Variants in MAL2 observed in about 807,000 individuals in gnomAD.
MAL2 encodes mal, T cell differentiation protein 2.
MAL2 carries 17 observed loss-of-function variants against 18.1 expected under a neutral mutation model. The ratio of observed to expected loss-of-function variants is 0.94; its 90% CI spans 0.64 to 1.41. The LOEUF is 1.41. Among genes scored for constraint, MAL2 ranks in the 40% most tolerant of loss-of-function variants. The probability of loss-of-function intolerance (pLI) is 0.00; values close to 1 mark genes in which losing one functional copy is unlikely to be tolerated. For missense variants in MAL2, 222 were observed against 231.9 expected (o/e 0.96, Z 0.28); for synonymous variants, 102 against 102.3 (o/e 1.00, Z 0.02).
At chr8:119,215,276 T>C (rs984157587) in intron 1 of MAL2, 1 of 152,208 alleles carries the variant, frequency 6.6e-6, no homozygotes, top group African/African-American at 2.4e-5. Flanking sequence ...TGCCTATTTT[T>C]GGACATCCAC....
chr8:119,226,307 A>G lies in MAL2; in HGVS notation c.303+4550A>G, dbSNP rs571302180. On this transcript the variant is annotated intron_variant, in intron 2 of 3. Transcript: ENST00000614891. ...TAAGTCTTCAATCCATCTTGAATTA[A>G]TTTTTGTATAAGGTGTAAGGAAGGG... Among the ~76,000 whole-genome samples the G allele has an allele frequency of 2.8e-4, 42 of 151,956 alleles. No individual in the cohort carries two copies. The South Asian group carries it at 3.5e-3, about 13-fold the overall frequency.
chr8:119,240,230 C>G lies in MAL2; in HGVS notation c.369C>G (p.Ala123=). 1 of 1,613,686 alleles carries G rather than the reference C, an allele frequency of 6.2e-7. No individual in the cohort carries two copies. Among genetic ancestry groups the G allele is most frequent in the Non-Finnish European group, 8.5e-7 (1 of 1,179,812 alleles). The change falls in exon 3 of 4, where the codon GCC becomes GCG. Residue 123 remains alanine (A), a synonymous_variant. Transcript: ENST00000614891. ...YFGAFLLEAA[A]TSLHDLHCNT... ...GAGCCTTTTTATTGGAAGCAGCAGC[C>G]ACATCCCTGCATGATTTGCATTGCA...
chr8:119,243,580 A>G lies in MAL2; in HGVS notation c.*92A>G, dbSNP rs1338573556. 29 of 1,149,986 alleles carry G rather than the reference A, an allele frequency of 2.5e-5. No individual in the cohort carries two copies. The highest frequency in any genetic ancestry group is 3.2e-5 in the Non-Finnish European group (27 of 832,916). The allele number at this position is 1,149,986 out of a possible 1,614,324, so 71.2% of individuals were successfully genotyped here. A position where few individuals can be genotyped will look rare whatever the true frequency, so the allele number is the denominator to read the frequency against. ...GATACCATTTTGTCCAGATGCAAAA[A>G]CATTCCAAAAGTAATGTGTTTAGTA... is the stretch of plus-strand genomic sequence containing the variant. On this transcript the variant is annotated 3_prime_UTR_variant, in exon 4 of 4. Transcript: ENST00000614891.
chr8:119,229,136 A>G (rs770415168), intron 2 of MAL2, among the ~76,000 whole-genome samples: 47 of 152,164 alleles, frequency 3.1e-4, no homozygotes, highest in Non-Finnish European at 6.5e-4. Flanking sequence ...GTAGCATTCT[A>G]AAGTGATGCT....
At chr8:119,230,872 T>G (rs139900795) in intron 2 of MAL2, among the ~76,000 whole-genome samples, 1 of 152,224 alleles carries the variant, frequency 6.6e-6, no homozygotes, top group Non-Finnish European at 1.5e-5. Flanking sequence ...TACAAACGTG[T>G]GGCCAGTATG....
chr8:119,213,208 G>A (rs1817292824), intron 1 of MAL2, among the ~76,000 whole-genome samples: 1 of 152,186 alleles, frequency 6.6e-6, no homozygotes. Context: ...GAGGAATTAT[G>A]CCAGAAAAAC....
intron 1 of MAL2, among the ~76,000 whole-genome samples, chr8:119,213,126 CAATT>C (rs1817291643): frequency 6.6e-6 from 1 of 152,054 alleles, no homozygotes; most frequent in African/African-American, 2.4e-5. Flanking sequence ...TTTGGGAAGT[CAATT>C]AAGTATGTAA....
At chr8:119,222,680 TATCTGGAC>T (rs1251532936) in intron 2 of MAL2, among the ~76,000 whole-genome samples, 18 of 151,520 alleles carry the variant, frequency 1.2e-4, no homozygotes, top group African/African-American at 4.4e-4. Context: ...CTACAAAAAA[TATCTGGAC>T]ATGGTGTTGC....
intron 1 of MAL2, chr8:119,215,649 G>A (rs1817339964): frequency 6.6e-6 from 1 of 152,238 alleles, no homozygotes; most frequent in Admixed American, 6.5e-5. Flanking sequence ...GGTAACTGGA[G>A]TTTAGTTATG....
chr8:119,223,124 C>A (rs1324139498), intron 2 of MAL2, among the ~76,000 whole-genome samples: 1 of 152,174 alleles, frequency 6.6e-6, no homozygotes, highest in East Asian at 1.9e-4. Context: ...AGCTTTAGTG[C>A]AGATGTTAAA....
intron 1 of MAL2, among the ~76,000 whole-genome samples, chr8:119,209,368 C>T (rs997008800): frequency 2.0e-5 from 3 of 152,142 alleles, no homozygotes; most frequent in Non-Finnish European, 4.4e-5. Context: ...TTGTTGGGCC[C>T]AAGTAAAGGT....
In MAL2 at chr8:119,221,821, C is replaced by T. The variant is rs1817469598; in HGVS notation, c.303+64C>T. ...GGAGAAACCTGTATCCTATTCTGTT[C>T]TGAAATGCCAGAGTCCCAGTTCTGT... On this transcript the variant is annotated intron_variant, in intron 2 of 3. Coordinates refer to ENST00000614891, the MANE Select transcript of MAL2 (RefSeq NM_052886.3). 7 of 1,535,220 alleles carry T rather than the reference C, an allele frequency of 4.6e-6. No homozygotes were observed. The African/African-American group carries it at 9.7e-5, about 21-fold the overall frequency.
At chr8:119,234,664 C>A (rs2432982) in intron 2 of MAL2, among the ~76,000 whole-genome samples, 87,568 of 151,426 alleles carry the variant, frequency 0.58, 27,200 homozygotes, top group Non-Finnish European at 0.7. Context: ...GACCCCGGAA[C>A]AGCCTAACTG....
Position 119,208,691 on chromosome 8 carries a change from C to T in MAL2, c.132+87C>T, listed in dbSNP as rs567745674. 32 of 1,214,458 alleles carry T rather than the reference C, an allele frequency of 2.6e-5. 1 individual carries two copies. The South Asian group carries it at 7.0e-4, about 26-fold the overall frequency. The allele number at this position is 1,214,458 out of a possible 1,614,324, so 75.2% of individuals were successfully genotyped here. On this transcript the variant is annotated intron_variant, in intron 1 of 3. Transcript: ENST00000614891. The surrounding 1 kb of genome is among the most constrained non-coding windows in gnomAD (Gnocchi z 4.3). ...TCCCCCGGGCTGTCTTCCTCTGCGT[C>T]CGCCCCCGGCCTCCTTCCCTTCGAC... is the stretch of plus-strand genomic sequence containing the variant.
At chr8:119,214,097 G>T (rs573368588) in intron 1 of MAL2, among the ~76,000 whole-genome samples, 2 of 152,212 alleles carry the variant, frequency 1.3e-5, no homozygotes, top group Non-Finnish European at 2.9e-5. Context: ...TGTATTTGCA[G>T]TGATATGGCT....
rs547866893 is a variant in MAL2 at position 119,236,350 on chromosome 8, CTT to C, written c.304-3813_304-3812del. On this transcript the variant is annotated intron_variant, in intron 2 of 3. Coordinates refer to ENST00000614891, the MANE Select transcript of MAL2 (RefSeq NM_052886.3). ...ACTCCCACACATTAATAATGGGAGA[CTT>C]TAACACCCCACTGTCAACATTAGAG... Among the ~76,000 whole-genome samples, 1,132 of 150,432 alleles carry C rather than the reference CTT, an allele frequency of 7.5e-3. 28 individuals carry two copies. The highest frequency in any genetic ancestry group is 0.025 in the African/African-American group (988 of 40,184).
chr8:119,239,533 A>T (rs1817999315), intron 2 of MAL2, among the ~76,000 whole-genome samples: 1 of 152,018 alleles, frequency 6.6e-6, no homozygotes. Flanking sequence ...ATGTCCAACA[A>T]TGATAGACTG....
intron 2 of MAL2, among the ~76,000 whole-genome samples, chr8:119,231,022 G>T (rs2470041): frequency 0.015 from 2,202 of 151,170 alleles, 57 homozygotes; most frequent in African/African-American, 0.05. Flanking sequence ...TGTGAGAACA[G>T]TTTTTTTTTT....
chr8:119,231,034 A>C (rs903818603), intron 2 of MAL2, among the ~76,000 whole-genome samples: 1 of 149,946 alleles, frequency 6.7e-6, no homozygotes, highest in Non-Finnish European at 1.5e-5. Flanking sequence ...TTTTTTTTTT[A>C]TTTTTTGTTT....
Sources: allele counts gnomAD v4.1 joint callset (sites outside exome capture counted in the v4.1 genomes callset), GRCh38; gene constraint gnomAD v4.1.1; non-coding constraint Gnocchi (gnomAD v3.1); transcripts MANE v1.5; gene names NCBI Gene and HGNC (gene_info 2026-07-23, HGNC 2026-07-21).